DNA2: variants seen among roughly 807,000 people sequenced by gnomAD.
The protein encoded by DNA2 is DNA replication ATP-dependent helicase/nuclease DNA2.
In DNA2, 101 loss-of-function variants were observed where a neutral mutation model predicts 119.1. That is an observed-to-expected ratio of 0.85 (90% CI 0.72 to 1.00). The LOEUF (loss-of-function observed/expected upper bound fraction) is 1.00. Among genes scored for constraint, DNA2 ranks in the 50% least tolerant of loss-of-function variants. The probability of loss-of-function intolerance (pLI) is 0.00; values close to 1 mark genes in which losing one functional copy is unlikely to be tolerated. For missense variants in DNA2, 1,121 were observed against 1,255.5 expected (o/e 0.89, Z 1.62); for synonymous variants, 366 against 424.4 (o/e 0.86, Z 1.69).
intron 5 of DNA2, among the ~76,000 whole-genome samples, chr10:68,455,251 T>C (rs933640706): frequency 2.0e-4 from 31 of 152,078 alleles, no homozygotes; most frequent in Non-Finnish European, 4.4e-4. Flanking sequence ...AAAATTAACT[T>C]TCTTAGTGTT....
chr10:68,454,732 G>T (rs989614773), intron 5 of DNA2, among the ~76,000 whole-genome samples: 3 of 151,852 alleles, frequency 2.0e-5, no homozygotes, highest in Admixed American at 2.0e-4. Context: ...CTTGAACCTG[G>T]GAGGCGGAGG....
Position 68,465,666 on chromosome 10 carries a change from C to A in DNA2, c.587+1G>T. ...CTGCAGTTCTTCTTATAACTACTTA[C>A]ATTTCCTTCAAATGTCTTATTTCTT... is the stretch of plus-strand genomic sequence containing the variant. On this transcript the variant is annotated splice_donor_variant, in intron 4 of 20. Coordinates refer to ENST00000358410, the MANE Select transcript of DNA2 (RefSeq NM_001080449.3). LOFTEE classifies it high-confidence loss of function. 1 of 1,584,348 alleles carries A rather than the reference C, an allele frequency of 6.3e-7. No individual in the cohort carries two copies. Among genetic ancestry groups the A allele is most frequent in the Non-Finnish European group, 8.6e-7 (1 of 1,166,756 alleles).
chr10:68,446,480 A>G, intron 6 of DNA2, 67 bp from the exon 7 acceptor site: 2 of 962,372 alleles, frequency 2.1e-6, no homozygotes, highest in Non-Finnish European at 3.1e-6. Context: ...ATTGTCTTGC[A>G]ACCAACACAT....
At chr10:68,417,661 A>AC (rs896355583) in intron 19 of DNA2, among the ~76,000 whole-genome samples, 1 of 151,978 alleles carries the variant, frequency 6.6e-6, no homozygotes, top group Non-Finnish European at 1.5e-5. Flanking sequence ...TCAAAAAAAA[A>AC]AAAAAAAAAT....
rs185130194 is a variant in DNA2 at position 68,454,977 on chromosome 10, C to T, written c.719+4127G>A. On this transcript the variant is annotated intron_variant, in intron 5 of 20. Coordinates refer to ENST00000358410, the MANE Select transcript of DNA2 (RefSeq NM_001080449.3). ...TTTTTGAGATGGAATCTTGCTCTGT[C>T]ACCCAGGCTAGAGTGCAGTGGCATG... 7.6e-3 allele frequency among the ~76,000 whole-genome samples: 1,108 copies of T among 145,318 alleles called. 13 individuals are homozygous for T. Among genetic ancestry groups the T allele is most frequent in the African/African-American group, 0.026 (1,031 of 39,416 alleles).
intron 17 of DNA2, among the ~76,000 whole-genome samples, chr10:68,420,208 T>C (rs1213229333): frequency 6.6e-6 from 1 of 152,166 alleles, no homozygotes; most frequent in Non-Finnish European, 1.5e-5. Flanking sequence ...ATAAGTAACT[T>C]TCCCAAGGCC....
chr10:68,439,876 G>A (rs61855127), intron 9 of DNA2, among the ~76,000 whole-genome samples: 22,783 of 151,462 alleles, frequency 0.15, 2,248 homozygotes, highest in East Asian at 0.39. Context: ...ATGGTGGCAC[G>A]CACCTGTAGT....
At chr10:68,423,294 A>G (rs1297379072) in intron 14 of DNA2, among the ~76,000 whole-genome samples, 11 of 151,972 alleles carry the variant, frequency 7.2e-5, no homozygotes, top group Non-Finnish European at 1.0e-4. Flanking sequence ...TATAAAAAAA[A>G]AAAACAAAAG....
intron 14 of DNA2, among the ~76,000 whole-genome samples, chr10:68,429,759 G>A (rs2051794085): frequency 6.9e-6 from 1 of 144,022 alleles, no homozygotes. Context: ...AGAACTCCCA[G>A]TATAAATAAA....
rs762698664 is a variant in DNA2 at position 68,442,879 on chromosome 10, A to G, written c.1415+38T>C. On this transcript the variant is annotated intron_variant, in intron 9 of 20. Coordinates refer to ENST00000358410, the MANE Select transcript of DNA2 (RefSeq NM_001080449.3). The stretch of plus-strand genomic sequence containing the variant: ...AAAGGCCACCTCATTCACTAATCCA[A>G]ACTACTGAAATCTTACTGTACTAAA... The G allele has an allele frequency of 1.5e-5, 23 of 1,528,294 alleles. No individual in the cohort carries two copies. In the South Asian group the frequency reaches 2.8e-4, roughly 19 times the overall value. 94.7% of individuals were successfully genotyped at this position (1,528,294 alleles called of 1,614,324 possible).
intron 9 of DNA2, among the ~76,000 whole-genome samples, chr10:68,441,106 G>A (rs1237625409): frequency 1.3e-5 from 2 of 151,930 alleles, no homozygotes; most frequent in Non-Finnish European, 2.9e-5. Flanking sequence ...GTCAAGATGG[G>A]AGGATCACTT....
intron 20 of DNA2, 145 bp downstream of exon 20, chr10:68,416,564 T>G (rs1400949964): frequency 2.8e-6 from 2 of 721,704 alleles, no homozygotes; most frequent in Non-Finnish European, 2.3e-6. Flanking sequence ...TCACAGCACT[T>G]TGGGAGGCCT....
chr10:68,430,596 T>G lies in DNA2; in HGVS notation c.2048A>C (p.Asp683Ala), dbSNP rs1300434574. The G allele has an allele frequency of 1.2e-6, 2 of 1,607,574 alleles. No individual in the cohort carries two copies. The highest frequency in any genetic ancestry group is 1.7e-5 in the Admixed American group (1 of 58,874). The change falls in exon 14 of 21, where the codon GAC (aspartate) becomes GCC (alanine). Residue 683 changes from aspartate to alanine, a missense_variant. Physicochemically the swap from Asp to Ala is moderately radical, Grantham distance 126 (BLOSUM62 -2). Coordinates refer to ENST00000358410, the MANE Select transcript of DNA2 (RefSeq NM_001080449.3). ...LLTSYTHSAV[D>A]NILLKLAKFK... The stretch of plus-strand genomic sequence containing the variant: ...CTTGGCTAACTTCAAAAGAATATTG[T>G]CAACAGCAGAGTGTGTATAGCTGGT...
chr10:68,428,301 G>C (rs1231632297), intron 14 of DNA2, among the ~76,000 whole-genome samples: 1 of 152,192 alleles, frequency 6.6e-6, no homozygotes, highest in Non-Finnish European at 1.5e-5. Context: ...ACTCCAGCCT[G>C]GGGGACAAAG....
At chr10:68,457,506 C>T (rs551473451) in intron 5 of DNA2, among the ~76,000 whole-genome samples, 3 of 152,250 alleles carry the variant, frequency 2.0e-5, no homozygotes, top group Admixed American at 1.3e-4. Flanking sequence ...TCTTATCCTC[C>T]TCATTGTTCG....
intron 4 of DNA2, chr10:68,461,280 T>C (rs1183837115): frequency 2.0e-5 from 3 of 151,938 alleles, no homozygotes; most frequent in Non-Finnish European, 4.4e-5. Context: ...TTCATAAGAG[T>C]ACAGTTGAAT....
intron 4 of DNA2, among the ~76,000 whole-genome samples, chr10:68,465,165 C>A (rs1225049468): frequency 6.6e-6 from 1 of 151,882 alleles, no homozygotes; most frequent in African/African-American, 2.4e-5. Flanking sequence ...ACTACAGGCG[C>A]CTGCCACCAT....
rs115640956 is a variant in DNA2 at position 68,471,680 on chromosome 10, G to T, written c.74+111C>A. On this transcript the variant is annotated intron_variant, in intron 1 of 20. Transcript: ENST00000358410. ...GTCGGGTGCCCAGGGAGCTGCACCG[G>T]GTCCCTGGGCCCCGGGCCCGGTCAG... is the stretch of plus-strand genomic sequence containing the variant. 7.7e-4 allele frequency: 1,031 copies of T among 1,346,678 alleles called. 12 individuals carry two copies. In the African/African-American group the frequency reaches 0.014, roughly 18 times the overall value. 83.4% of individuals were successfully genotyped at this position (1,346,678 alleles called of 1,614,324 possible).
rs773238354 is a variant in DNA2, at chr10:68,466,859, G to A, written c.442-1047C>T. Among the ~76,000 whole-genome samples, 5 of 152,062 alleles carry A rather than the reference G, an allele frequency of 3.3e-5. No individual in the cohort carries two copies. The South Asian group carries it at 6.2e-4, about 19-fold the overall frequency. On this transcript the variant is annotated intron_variant, in intron 3 of 20. Transcript: ENST00000358410. ...CTCCCAAAGTGCTGGGATTACAGGC[G>A]TGAGCCACTGCGCCCGGTCCAAAAA...
Sources: allele counts gnomAD v4.1 joint callset (sites outside exome capture counted in the v4.1 genomes callset), GRCh38; gene constraint gnomAD v4.1.1; transcripts MANE v1.5; gene names NCBI Gene and HGNC (gene_info 2026-07-23, HGNC 2026-07-21).